The following KDM4B variants were observed in gnomAD, a reference collection of about 807,000 sequenced individuals.
KDM4B encodes lysine-specific demethylase 4B.
Under a neutral mutation model 125.2 loss-of-function variants are expected in KDM4B, and 32 were observed. That is an observed-to-expected ratio of 0.26 (90% CI 0.19 to 0.34). The LOEUF is 0.34. KDM4B is among the 10% of genes least tolerant of loss of function. The pLI is 1.00. For synonymous variants in KDM4B, 721 were observed against 677.9 expected, an observed-to-expected ratio of 1.06 and a Z score of -0.99; for missense variants, 1,190 against 1,577.7, an observed-to-expected ratio of 0.75 and a Z score of 4.16.
At chr19:5,060,113 C>T (rs1159421197) in intron 6 of KDM4B, among the ~76,000 whole-genome samples, 2 of 152,204 alleles carry the variant, frequency 1.3e-5, no homozygotes, top group South Asian at 4.1e-4. Flanking sequence ...GGGAGCTGAT[C>T]TTGGCCGGGT....
intron 9 of KDM4B, among the ~76,000 whole-genome samples, chr19:5,098,682 C>T (rs528438727): frequency 1.3e-5 from 2 of 152,186 alleles, no homozygotes; most frequent in East Asian, 1.9e-4. Flanking sequence ...TGGGAGGCGA[C>T]GAGGGCATGA....
intron 6 of KDM4B, among the ~76,000 whole-genome samples, chr19:5,055,563 G>A (rs1213318237): frequency 6.6e-6 from 1 of 152,184 alleles, no homozygotes; most frequent in Non-Finnish European, 1.5e-5. Context: ...GCCGTGATGG[G>A]GGCCGGGTGG....
chr19:5,012,053 G>A (rs1468323204), intron 1 of KDM4B, among the ~76,000 whole-genome samples: 1 of 152,214 alleles, frequency 6.6e-6, no homozygotes, highest in Non-Finnish European at 1.5e-5. Context: ...GTCGTCCGAT[G>A]CCTTGGGCTG....
chr19:5,068,493 G>T (rs894215858), intron 6 of KDM4B, among the ~76,000 whole-genome samples: 1 of 152,132 alleles, frequency 6.6e-6, no homozygotes, highest in African/African-American at 2.4e-5. Context: ...ACGGAGCGTG[G>T]CGCCTCCAGC....
At chr19:5,134,320 G>A (rs1057245111) in intron 14 of KDM4B, among the ~76,000 whole-genome samples, 1 of 152,200 alleles carries the variant, frequency 6.6e-6, no homozygotes, top group African/African-American at 2.4e-5. Flanking sequence ...GAGGCTCGGG[G>A]TCACTGCCCT....
chr19:4,980,160 C>T (rs62114275), intron 1 of KDM4B, among the ~76,000 whole-genome samples: 55,343 of 151,862 alleles, frequency 0.36, 10,815 homozygotes, highest in East Asian at 0.73. Flanking sequence ...GTTGTGCAAC[C>T]GTCACCACTA....
chr19:5,119,734 G>T lies in KDM4B; in HGVS notation c.1197G>T (p.Ala399=). ...CTGGGGAGGGTACGGCTGGGGCAGC[G>T]CTCCTAGAGGAGGCTGGGGGCAGCG... ...KFPGEGTAGA[A]LLEEAGGSVK... Residue 399 remains alanine (A), a synonymous_variant, in exon 11 of 23, where the codon GCG becomes GCT. Transcript: ENST00000159111. 2 of 1,550,354 alleles carry T rather than the reference G, an allele frequency of 1.3e-6. No individual in the cohort carries two copies. Among genetic ancestry groups the T allele is most frequent in the Non-Finnish European group, 1.7e-6 (2 of 1,146,842 alleles).
At chr19:5,119,880 A>AC in intron 11 of KDM4B, 28 bp downstream of exon 11, 1 of 1,542,506 alleles carries the variant, frequency 6.5e-7, no homozygotes, top group Non-Finnish European at 8.7e-7. Flanking sequence ...CAGGCCTGGC[A>AC]CCGCTGTTTT....
intron 1 of KDM4B, among the ~76,000 whole-genome samples, chr19:4,970,297 C>T (rs2034209695): frequency 6.6e-6 from 1 of 152,256 alleles, no homozygotes; most frequent in African/African-American, 2.4e-5. Context: ...TAATAATTTA[C>T]CAGCACCCTG....
chr19:5,091,847 T>C (rs116978673), intron 9 of KDM4B, among the ~76,000 whole-genome samples: 1,559 of 152,000 alleles, frequency 0.01, 20 homozygotes, highest in Non-Finnish European at 0.017. Flanking sequence ...GTGCCCTGCC[T>C]TTGGCTTCCT....
intron 1 of KDM4B, among the ~76,000 whole-genome samples, chr19:4,984,402 A>G (rs1390461580): frequency 6.6e-6 from 1 of 152,220 alleles, no homozygotes; most frequent in African/African-American, 2.4e-5. Context: ...GTGATCATAA[A>G]GCAACTTGAA....
intron 1 of KDM4B, among the ~76,000 whole-genome samples, chr19:4,986,995 C>A: frequency 6.6e-6 from 1 of 151,116 alleles, no homozygotes; most frequent in South Asian, 2.1e-4. Context: ...CTTGCTCTGT[C>A]GCCTAGGCTG....
At chr19:5,024,327 C>G (rs895596655) in intron 2 of KDM4B, among the ~76,000 whole-genome samples, 6 of 152,174 alleles carry the variant, frequency 3.9e-5, no homozygotes, top group Non-Finnish European at 8.8e-5. Context: ...GTCAGCCAGA[C>G]TGTCCCCACC....
At chr19:5,001,316 G>A (rs909317088) in intron 1 of KDM4B, among the ~76,000 whole-genome samples, 11 of 152,156 alleles carry the variant, frequency 7.2e-5, no homozygotes, top group South Asian at 6.2e-4. Context: ...GAGCCACGGC[G>A]CCTGGCCTTA....
rs764620180 is a variant in KDM4B at position 5,086,523 on chromosome 19, C to A, written c.918+4019C>A. ...AGGTGGCGTCTGCGTCTGCTTCGCC[C>A]CGCGGAGTTGAGTAGTTCCGAAAAG... On this transcript the variant is annotated intron_variant, in intron 9 of 22. Transcript: ENST00000159111. 3.8e-4 allele frequency among the ~76,000 whole-genome samples: 58 copies of A among 152,204 alleles called. 1 individual carries two copies. The highest frequency in any genetic ancestry group is 2.6e-4 in the Admixed American group (4 of 15,282).
At chr19:5,038,728 C>A (rs919722626) in intron 3 of KDM4B, among the ~76,000 whole-genome samples, 1 of 152,224 alleles carries the variant, frequency 6.6e-6, no homozygotes, top group African/African-American at 2.4e-5. Flanking sequence ...GTTTCTTCAG[C>A]GGTCAGATGG....
intron 9 of KDM4B, among the ~76,000 whole-genome samples, chr19:5,104,915 A>T (rs893556882): frequency 3.9e-5 from 6 of 152,174 alleles, no homozygotes; most frequent in African/African-American, 1.4e-4. Flanking sequence ...GTCTGGGCTC[A>T]TTAAGATAAC....
chr19:4,988,579 G>C (rs2034926964), intron 1 of KDM4B, among the ~76,000 whole-genome samples: 1 of 152,088 alleles, frequency 6.6e-6, no homozygotes, highest in South Asian at 2.1e-4. Context: ...CCGGCCTCAT[G>C]AACCCTTCTT....
chr19:4,986,210 G>A (rs563422942), intron 1 of KDM4B, among the ~76,000 whole-genome samples: 1 of 152,284 alleles, frequency 6.6e-6, no homozygotes, highest in Non-Finnish European at 1.5e-5. Flanking sequence ...GCATGTCTGC[G>A]GCCTCACAGG....
Sources: gnomAD v4.1 joint callset for allele counts (sites outside exome capture counted in the v4.1 genomes callset) on GRCh38, gnomAD v4.1.1 for gene constraint, MANE v1.5 for transcripts, NCBI Gene and HGNC (gene_info 2026-07-23, HGNC 2026-07-21) for gene names.